The following KLRB1 variants were observed in gnomAD, a reference collection of about 807,000 sequenced individuals.
The protein encoded by KLRB1 is killer cell lectin-like receptor subfamily B member 1.
KLRB1 carries 27 observed loss-of-function variants against 33.5 expected under a neutral mutation model. The ratio of observed to expected loss-of-function variants is 0.81; its 90% CI spans 0.59 to 1.11. The LOEUF (loss-of-function observed/expected upper bound fraction) is 1.11, where lower values mean the gene tolerates loss of function less well. Among genes scored for constraint, KLRB1 ranks in the 50% most tolerant of loss-of-function variants. The probability of loss-of-function intolerance (pLI) is 0.00; values close to 1 mark genes in which losing one functional copy is unlikely to be tolerated. For synonymous variants in KLRB1, 64 were observed against 88.9 expected, an observed-to-expected ratio of 0.72 and a Z score of 1.58; for missense variants, 241 against 254.1, an observed-to-expected ratio of 0.95 and a Z score of 0.35.
chr12:9,603,872 G>A (rs1864572019), intron 1 of KLRB1, among the ~76,000 whole-genome samples: 1 of 152,074 alleles, frequency 6.6e-6, no homozygotes, highest in African/African-American at 2.4e-5. Flanking sequence ...ATAACCCACA[G>A]ATTTCCTCAT....
intron 1 of KLRB1, among the ~76,000 whole-genome samples, chr12:9,607,247 C>T (rs1565444386): frequency 1.7e-3 from 39 of 23,432 alleles, no homozygotes; most frequent in Non-Finnish European, 3.5e-3. Context: ...TTCCTTCCTC[C>T]TTCTCTTTTT....
At chr12:9,602,234 A>C (rs904441523) in intron 1 of KLRB1, among the ~76,000 whole-genome samples, 1 of 152,244 alleles carries the variant, frequency 6.6e-6, no homozygotes, top group South Asian at 2.1e-4. Flanking sequence ...TGTCTACAAC[A>C]TCGCATAGTC....
chr12:9,600,206 C>A (rs972647202), intron 2 of KLRB1, among the ~76,000 whole-genome samples: 2 of 152,122 alleles, frequency 1.3e-5, no homozygotes, highest in Non-Finnish European at 2.9e-5. Flanking sequence ...CTACTGCAAT[C>A]TGGAATTTTA....
At chr12:9,599,162 A>G (rs1449677446) in intron 3 of KLRB1, among the ~76,000 whole-genome samples, 1 of 152,262 alleles carries the variant, frequency 6.6e-6, no homozygotes, top group African/African-American at 2.4e-5. Context: ...AAATTATAAG[A>G]AAATTTCCAA....
At chr12:9,606,289 G>A (rs1212026775) in intron 1 of KLRB1, 1 of 152,072 alleles carries the variant, frequency 6.6e-6, no homozygotes, top group African/African-American at 2.4e-5. Context: ...AAATAATAAT[G>A]TGTCATAATA....
At chr12:9,599,978 G>T in intron 2 of KLRB1, 137 bp from the exon 3 acceptor site, 3 of 355,930 alleles carry the variant, frequency 8.4e-6, no homozygotes, top group East Asian at 4.3e-5. Flanking sequence ...TTAGCGAAGT[G>T]GTAAAAAAAA....
At chr12:9,604,613 G>A (rs1864580250) in intron 1 of KLRB1, among the ~76,000 whole-genome samples, 1 of 152,076 alleles carries the variant, frequency 6.6e-6, no homozygotes, top group Non-Finnish European at 1.5e-5. Flanking sequence ...CTTCCTAGAA[G>A]GCTTCTCTCT....
intron 1 of KLRB1, among the ~76,000 whole-genome samples, chr12:9,605,556 C>T (rs778982807): frequency 6.6e-6 from 1 of 152,218 alleles, no homozygotes; most frequent in African/African-American, 2.4e-5. Context: ...ACTCTAGGGG[C>T]ATTTTTGCAA....
chr12:9,607,415 T>TTCTTTCTTTTCTTTTCTTTTTG (rs1864633749), intron 1 of KLRB1, among the ~76,000 whole-genome samples: 93 of 102,616 alleles, frequency 9.1e-4, no homozygotes, highest in South Asian at 2.6e-3. Flanking sequence ...TTTTCTTTCT[T>TTCTTTCTTTTCTTTTCTTTTTG]TCTTTCTTTC....
chr12:9,602,620 TA>T, intron 1 of KLRB1, among the ~76,000 whole-genome samples: 2 of 151,992 alleles, frequency 1.3e-5, no homozygotes, highest in Middle Eastern at 3.4e-3. Context: ...TTAGATATAT[TA>T]TAATTATAAA....
At position 9,598,158 on chromosome 12, in the gene KLRB1, G is replaced by A. The variant is rs754657960; in HGVS notation, c.418C>T (p.His140Tyr). The change falls in exon 5 of 6, where the codon CAC becomes TAC. Residue 140 changes from histidine (H) to tyrosine (Y), a missense_variant. Coordinates refer to ENST00000229402, the MANE Select transcript of KLRB1 (RefSeq NM_002258.3). ...TTGTCACGTATCAGGTTCTGTGTGT[G>A]TATCTATAAATGGAACAGAAAAATA... is the stretch of plus-strand genomic sequence containing the variant. ...LLIRDKDELI[H>Y]TQNLIRDKAI... is the part of the protein sequence containing the mutation. The A allele has an allele frequency of 6.3e-7, 1 of 1,587,924 alleles. No individual in the cohort carries two copies. The highest frequency in any genetic ancestry group is 8.6e-7 in the Non-Finnish European group (1 of 1,157,742).
chr12:9,606,356 A>G (rs1864597837), intron 1 of KLRB1: 1 of 152,062 alleles, frequency 6.6e-6, no homozygotes, highest in African/African-American at 2.4e-5. Context: ...TCCACAGGCC[A>G]TGCTATCCAT....
intron 1 of KLRB1, among the ~76,000 whole-genome samples, chr12:9,603,071 T>C (rs1047833603): frequency 2.6e-5 from 4 of 152,158 alleles, no homozygotes; most frequent in Non-Finnish European, 5.9e-5. Flanking sequence ...TTGTAACATA[T>C]GGATTATCGT....
intron 5 of KLRB1, among the ~76,000 whole-genome samples, chr12:9,597,670 A>G (rs1200865949): frequency 1.3e-5 from 2 of 152,128 alleles, no homozygotes; most frequent in African/African-American, 4.8e-5. Flanking sequence ...GCTGTGACCC[A>G]CTAAATTGGT....
intron 1 of KLRB1, among the ~76,000 whole-genome samples, chr12:9,603,981 C>T (rs1864573347): frequency 6.6e-6 from 1 of 151,656 alleles, no homozygotes; most frequent in Non-Finnish European, 1.5e-5. Context: ...CACATGGTAA[C>T]TGTTCAATGA....
intron 2 of KLRB1, among the ~76,000 whole-genome samples, 164 bp from the exon 3 acceptor site, chr12:9,600,005 C>G (rs954436150): frequency 2.0e-5 from 3 of 150,692 alleles, no homozygotes; most frequent in African/African-American, 4.9e-5. Flanking sequence ...AAGATCTCAC[C>G]TACAGGAAGC....
intron 1 of KLRB1, 91 bp from the exon 2 acceptor site, chr12:9,601,690 T>C (rs997797617): frequency 1.6e-5 from 13 of 793,730 alleles, no homozygotes; most frequent in Middle Eastern, 2.3e-4. Flanking sequence ...GGCACAAAAA[T>C]GTACTTGGGA....
rs1565444536 is a variant in KLRB1, at chr12:9,607,336, C to CTTCCTTTCTTTCTTCCTTCG, written c.85+418_85+419insCGAAGGAAGAAAGAAAGGAA. On this transcript the variant is annotated intron_variant, in intron 1 of 5. Coordinates refer to ENST00000229402, the MANE Select transcript of KLRB1 (RefSeq NM_002258.3). ...TTCTTCTTTTCTTTCTCTTTCTTTC[C>CTTCCTTTCTTTCTTCCTTCG]TTTCTTTCTTTCTTTCTTCCTTTCT... is the stretch of plus-strand genomic sequence containing the variant. Among the ~76,000 whole-genome samples, 40 of 24,546 alleles carry CTTCCTTTCTTTCTTCCTTCG rather than the reference C, an allele frequency of 1.6e-3. 3 individuals carry two copies. The highest frequency in any genetic ancestry group is 3.4e-3 in the Non-Finnish European group (26 of 7,608). 16.1% of individuals were successfully genotyped at this position (24,546 alleles called of 152,430 possible). A position where few individuals can be genotyped will look rare whatever the true frequency, so the allele number is the denominator to read the frequency against.
intron 5 of KLRB1, among the ~76,000 whole-genome samples, chr12:9,597,022 C>T (rs1336796819): frequency 6.6e-6 from 1 of 152,212 alleles, no homozygotes; most frequent in East Asian, 1.9e-4. Context: ...AAATCTTACA[C>T]TTTATAAAAT....
Sources: allele counts gnomAD v4.1 joint callset (sites outside exome capture counted in the v4.1 genomes callset), GRCh38; gene constraint gnomAD v4.1.1; transcripts MANE v1.5; gene names NCBI Gene and HGNC (gene_info 2026-07-23, HGNC 2026-07-21).